Variants in LMAN1L observed in about 807,000 individuals in gnomAD.
LMAN1L encodes the protein protein ERGIC-53-like.
In LMAN1L, 60 loss-of-function variants were observed where a neutral mutation model predicts 58.3. The ratio of observed to expected loss-of-function variants is 1.03; its 90% confidence interval spans 0.84 to 1.27. The LOEUF (loss-of-function observed/expected upper bound fraction) is 1.27. Among genes scored for constraint, LMAN1L ranks in the 50% most tolerant of loss-of-function variants. LMAN1L has a pLI of 0.00. For missense variants in LMAN1L, 629 were observed against 674.0 expected, an observed-to-expected ratio of 0.93 and a Z score of 0.74; for synonymous variants, 280 against 271.6, an observed-to-expected ratio of 1.03 and a Z score of -0.31.
At chr15:74,822,798 A>G in intron 11 of LMAN1L, 89 bp downstream of exon 11, 1 of 976,174 alleles carries the variant, frequency 1.0e-6, no homozygotes, top group Non-Finnish European at 1.6e-6. Context: ...TCATTTCCTG[A>G]GCGCCCAGCA....
rs1555466771 is a variant in LMAN1L at position 74,814,379 on chromosome 15, T to TTG, written c.175+1351_175+1352insGT. On this transcript the variant is annotated intron_variant, in intron 1 of 13. Coordinates refer to ENST00000309664, the MANE Select transcript of LMAN1L (RefSeq NM_021819.3). ...CAGCTAATTTTTGTTTTTGTTTTTG[T>TTG]TTTTTTTTTTTTGAGACGGAGTCTC... 8.8e-4 allele frequency among the ~76,000 whole-genome samples: 101 copies of TTG among 114,430 alleles called. 3 individuals are homozygous for TTG. The South Asian group carries it at 0.017, about 19-fold the overall frequency. The allele number at this position is 114,430 out of a possible 152,430, so 75.1% of individuals were successfully genotyped here.
intron 13 of LMAN1L, 190 bp from the exon 14 acceptor site, chr15:74,825,286 T>C: frequency 1.7e-6 from 1 of 601,848 alleles, no homozygotes; most frequent in African/African-American, 1.8e-5. Context: ...CTGGAGCCAC[T>C]AGGACAGACC....
intron 1 of LMAN1L, among the ~76,000 whole-genome samples, chr15:74,815,465 G>A (rs912187152): frequency 2.0e-5 from 3 of 152,126 alleles, no homozygotes; most frequent in Admixed American, 6.5e-5. Context: ...ACCATGCAGG[G>A]CTCCTTCCTC....
At chr15:74,823,844 C>T (rs573511093) in intron 12 of LMAN1L, 162 bp downstream of exon 12, 18 of 683,852 alleles carry the variant, frequency 2.6e-5, no homozygotes, top group South Asian at 1.1e-4. Flanking sequence ...TCTGTGTGTC[C>T]GTGCATACGT....
At chr15:74,814,432 G>A (rs1359959437) in intron 1 of LMAN1L, among the ~76,000 whole-genome samples, 2 of 146,092 alleles carry the variant, frequency 1.4e-5, no homozygotes, top group Non-Finnish European at 3.0e-5. Flanking sequence ...GGAGTGCAGT[G>A]GCGTGATCTC....
At chr15:74,823,796 C>A in intron 12 of LMAN1L, 114 bp downstream of exon 12, 2 of 1,278,956 alleles carry the variant, frequency 1.6e-6, no homozygotes, top group East Asian at 2.4e-5. Flanking sequence ...CCTCCCCTCC[C>A]AGGACTGCTG....
At chr15:74,824,725 T>TGACAG (rs2063933355) in intron 13 of LMAN1L, 4 of 424,574 alleles carry the variant, frequency 9.4e-6, no homozygotes, top group Non-Finnish European at 1.7e-5. Context: ...ACTGACCCTG[T>TGACAG]GTCGTCAATG....
chr15:74,812,845 C>G lies in LMAN1L; in HGVS notation c.-10C>G, dbSNP rs773444503. Reference sequence around the variant, plus strand: ...TCTACCCCGGGGCCCAGACTTCAGGCGCCTTCACGATGCCGGCGGTCAGTG... The same window carrying G: ...TCTACCCCGGGGCCCAGACTTCAGGGGCCTTCACGATGCCGGCGGTCAGTG... On this transcript the variant is annotated 5_prime_UTR_variant, in exon 1 of 14. Transcript: ENST00000309664. 1 of 1,585,238 alleles carries G rather than the reference C, an allele frequency of 6.3e-7. No individual in the cohort carries two copies. The highest frequency in any genetic ancestry group is 8.6e-7 in the Non-Finnish European group (1 of 1,163,572).
intron 1 of LMAN1L, 73 bp from the exon 2 acceptor site, chr15:74,816,084 C>CG: frequency 6.7e-7 from 1 of 1,486,950 alleles, no homozygotes; most frequent in Non-Finnish European, 9.0e-7. Context: ...GAGCCCAGCC[C>CG]GGGCCAAGTG....
At chr15:74,823,942 C>T (rs2063929319) in intron 12 of LMAN1L, 7 of 539,006 alleles carry the variant, frequency 1.3e-5, no homozygotes, top group East Asian at 6.3e-5. Context: ...GGACACCCCT[C>T]GATCCAATAT....
At chr15:74,822,040 T>C in intron 10 of LMAN1L, 140 bp downstream of exon 10, 2 of 621,166 alleles carry the variant, frequency 3.2e-6, no homozygotes. Flanking sequence ...AGACGTATTT[T>C]GGCTTGGCAT....
chr15:74,822,194 A>C (rs1010117467), intron 10 of LMAN1L, among the ~76,000 whole-genome samples: 6 of 152,132 alleles, frequency 3.9e-5, no homozygotes, highest in African/African-American at 1.4e-4. Flanking sequence ...GTCTCTACTG[A>C]AAATACAAAA....
intron 1 of LMAN1L, 43 bp from the exon 2 acceptor site, chr15:74,816,114 G>A: frequency 6.6e-7 from 1 of 1,526,256 alleles, no homozygotes; most frequent in Non-Finnish European, 8.8e-7. Context: ...AGGGGGAGAT[G>A]GGGTGTAGTG....
intron 10 of LMAN1L, 53 bp downstream of exon 10, chr15:74,821,953 G>T: frequency 1.6e-6 from 2 of 1,272,162 alleles, no homozygotes; most frequent in African/African-American, 1.5e-5. Context: ...CTTGGCTGGT[G>T]CTCTGGGAGA....
At chr15:74,823,330 A>C (rs1406232159) in intron 11 of LMAN1L, among the ~76,000 whole-genome samples, 1 of 152,046 alleles carries the variant, frequency 6.6e-6, no homozygotes, top group African/African-American at 2.4e-5. Context: ...AGAGCCGGGG[A>C]GCCTGGGGTT....
chr15:74,819,015 T>G, intron 5 of LMAN1L, 137 bp from the exon 6 acceptor site: 2 of 1,120,066 alleles, frequency 1.8e-6, no homozygotes, highest in African/African-American at 1.6e-5. Context: ...AGGGCTCACA[T>G]GAGACCAGGA....
At position 74,817,174 on chromosome 15, in the gene LMAN1L, G is replaced by A. The variant is rs77995001; in HGVS notation, c.497+484G>A. On this transcript the variant is annotated intron_variant, in intron 4 of 13. Coordinates refer to ENST00000309664, the MANE Select transcript of LMAN1L (RefSeq NM_021819.3). The stretch of plus-strand genomic sequence containing the variant: ...CCTCAGTAGCTGGGCCGGTTTGTCA[G>A]TGTCTCTCAGCAACCTTCTCTCGGC... 2.0e-5 allele frequency among the ~76,000 whole-genome samples: 3 copies of A among 152,150 alleles called. No individual in the cohort carries two copies. The East Asian group carries it at 5.8e-4, about 29-fold the overall frequency.
chr15:74,820,297 G>A, intron 7 of LMAN1L, 198 bp downstream of exon 7: 1 of 631,248 alleles, frequency 1.6e-6, no homozygotes, highest in Non-Finnish European at 2.8e-6. Context: ...GGCTCAGGCT[G>A]TGACATTACA....
intron 4 of LMAN1L, among the ~76,000 whole-genome samples, chr15:74,817,519 G>A (rs987684036): frequency 2.6e-4 from 39 of 152,316 alleles, no homozygotes; most frequent in Admixed American, 2.3e-3. Context: ...GGTGTCCAGA[G>A]ACACTCAGCG....
Sources: allele counts gnomAD v4.1 joint callset (sites outside exome capture counted in the v4.1 genomes callset), GRCh38; gene constraint gnomAD v4.1.1; transcripts MANE v1.5; gene names NCBI Gene and HGNC (gene_info 2026-07-23, HGNC 2026-07-21).